Variants in MAPRE2 observed in about 807,000 individuals in gnomAD.
MAPRE2 encodes the protein microtubule-associated protein RP/EB family member 2.
Under a neutral mutation model 43.2 loss-of-function variants are expected in MAPRE2, and 13 were observed. The observed-to-expected ratio is 0.30, with a 90% CI of 0.20 to 0.48. The LOEUF (loss-of-function observed/expected upper bound fraction) is 0.48. Among genes scored for constraint, MAPRE2 ranks in the 20% least tolerant of loss-of-function variants. MAPRE2 has a pLI of 0.99. For synonymous variants in MAPRE2, 135 were observed against 148.8 expected (o/e 0.91, Z 0.68); for missense variants, 161 against 400.2 (o/e 0.40, Z 5.10).
Position 35,065,222 on chromosome 18 carries a change from A to G in MAPRE2, c.123-4973A>G, listed in dbSNP as rs184038429. Among the ~76,000 whole-genome samples, 733 of 151,874 alleles carry G rather than the reference A, an allele frequency of 4.8e-3. 9 individuals carry two copies. Among genetic ancestry groups the G allele is most frequent in the Non-Finnish European group, 4.6e-3 (315 of 67,912 alleles). On this transcript the variant is annotated intron_variant, in intron 1 of 6. Coordinates refer to ENST00000300249, the MANE Select transcript of MAPRE2 (RefSeq NM_014268.4). Reference sequence around the variant, plus strand: ...CTGAAGCAGGGGAATTGCTTGAACCAGGGAGGTAGACGTTGCAGTGAGCCA... The same window carrying G: ...CTGAAGCAGGGGAATTGCTTGAACCGGGGAGGTAGACGTTGCAGTGAGCCA...
chr18:35,124,609 C>CA (rs950129422), intron 4 of MAPRE2, among the ~76,000 whole-genome samples: 1 of 152,220 alleles, frequency 6.6e-6, no homozygotes, highest in African/African-American at 2.4e-5. Context: ...TGGCCCATGG[C>CA]AGGCACTTAA....
At chr18:35,079,285 T>C (rs1907519907) in intron 2 of MAPRE2, among the ~76,000 whole-genome samples, 1 of 152,184 alleles carries the variant, frequency 6.6e-6, no homozygotes, top group Admixed American at 6.5e-5. Context: ...CCTAGGATAA[T>C]TTTCTTACAA....
chr18:35,050,365 A>G (rs978177036), intron 1 of MAPRE2, among the ~76,000 whole-genome samples: 3 of 152,228 alleles, frequency 2.0e-5, no homozygotes, highest in South Asian at 2.1e-4. Flanking sequence ...TGCAAGTACC[A>G]TTCTTACATT....
At chr18:35,019,557 T>C (rs1486473375) in intron 2 of MAPRE2, among the ~76,000 whole-genome samples, 1 of 152,030 alleles carries the variant, frequency 6.6e-6, no homozygotes. Flanking sequence ...CCAGGCCTTG[T>C]CATATTTTAT....
intron 3 of MAPRE2, among the ~76,000 whole-genome samples, chr18:35,099,338 A>G (rs1311623584): frequency 6.6e-6 from 1 of 152,222 alleles, no homozygotes; most frequent in Non-Finnish European, 1.5e-5. Flanking sequence ...ATTGAGGCTG[A>G]GCACAGTGGC....
intron 1 of MAPRE2, among the ~76,000 whole-genome samples, chr18:35,061,390 T>C (rs1906518480): frequency 6.6e-6 from 1 of 152,222 alleles, no homozygotes; most frequent in Admixed American, 6.5e-5. Context: ...AGTATGTGCA[T>C]GTTGTCATAT....
intron 1 of MAPRE2, among the ~76,000 whole-genome samples, chr18:35,001,917 T>C (rs2097029586): frequency 6.6e-6 from 1 of 152,190 alleles, no homozygotes; most frequent in Admixed American, 6.5e-5. Context: ...TTGTAAGAAA[T>C]AATATAGAGA....
In MAPRE2 at chr18:34,984,727, C is replaced by T. The variant is rs1410388664; in HGVS notation, c.-70+7648C>T. ...CCTCCTTTATCATAATCTACATTCACATTTTAATAATATATTATTTAATAT... is the reference window on the plus strand; with the variant it reads ...CCTCCTTTATCATAATCTACATTCATATTTTAATAATATATTATTTAATAT... On this transcript the variant is annotated intron_variant, in intron 1 of 7. Transcript: ENST00000413393. Among the ~76,000 whole-genome samples the T allele has an allele frequency of 1.4e-5, 2 of 141,814 alleles. 1 individual carries two copies. The highest frequency in any genetic ancestry group is 4.2e-4 in the South Asian group (2 of 4,714). The allele number at this position is 141,814 out of a possible 152,430, so 93.0% of individuals were successfully genotyped here.
At chr18:35,137,777 C>T (rs1002712346) in intron 6 of MAPRE2, among the ~76,000 whole-genome samples, 2 of 152,042 alleles carry the variant, frequency 1.3e-5, no homozygotes, top group African/African-American at 4.8e-5. Context: ...GCCCTCCCAC[C>T]GAAGCAGAAA....
intron 1 of MAPRE2, among the ~76,000 whole-genome samples, chr18:35,000,797 A>G (rs2097028910): frequency 6.6e-6 from 1 of 152,202 alleles, no homozygotes; most frequent in African/African-American, 2.4e-5. Flanking sequence ...AAAAGTCAGT[A>G]TGATCTTTCC....
intron 2 of MAPRE2, among the ~76,000 whole-genome samples, chr18:35,033,514 C>T (rs1429790987): frequency 6.6e-6 from 1 of 151,292 alleles, no homozygotes; most frequent in Admixed American, 6.6e-5. Context: ...CTGGCCAGGG[C>T]AATTAGGCAG....
rs1433913678 is a variant in MAPRE2, at chr18:35,077,393, T to C, written c.250+7071T>C. ...TTGAGTGCAGTCTTTGAGGTTCTTATTGAGTATATCACTAATTCACAAATG... is the reference window on the plus strand; with the variant it reads ...TTGAGTGCAGTCTTTGAGGTTCTTACTGAGTATATCACTAATTCACAAATG... On this transcript the variant is annotated intron_variant, in intron 2 of 6. Coordinates refer to ENST00000300249, the MANE Select transcript of MAPRE2 (RefSeq NM_014268.4). 3.3e-5 allele frequency among the ~76,000 whole-genome samples: 5 copies of C among 152,202 alleles called. No homozygotes were observed. In the South Asian group the frequency reaches 6.2e-4, roughly 19 times the overall value.
intron 4 of MAPRE2, among the ~76,000 whole-genome samples, chr18:35,120,491 C>T (rs569698346): frequency 6.6e-6 from 1 of 152,086 alleles, no homozygotes; most frequent in African/African-American, 2.4e-5. Context: ...TGCTTTTTTG[C>T]CCTCAGCTCA....
intron 2 of MAPRE2, among the ~76,000 whole-genome samples, chr18:35,036,292 G>T (rs1186423922): frequency 6.6e-6 from 1 of 152,020 alleles, no homozygotes; most frequent in African/African-American, 2.4e-5. Flanking sequence ...CCTCTGTTTA[G>T]TTTAGGTCTT....
intron 2 of MAPRE2, among the ~76,000 whole-genome samples, chr18:35,090,514 C>T (rs1303313404): frequency 6.6e-6 from 1 of 151,934 alleles, no homozygotes; most frequent in Admixed American, 6.6e-5. Flanking sequence ...GGAAGATCAC[C>T]TGAGGTCAGG....
chr18:35,038,460 T>C (rs1364633075), upstream of MAPRE2, among the ~76,000 whole-genome samples: 1 of 152,202 alleles, frequency 6.6e-6, no homozygotes, highest in Non-Finnish European at 1.5e-5. Context: ...GAGTATCAAA[T>C]GGGAAATGAT....
intron 1 of MAPRE2, among the ~76,000 whole-genome samples, chr18:35,067,027 T>A (rs1906868046): frequency 6.6e-6 from 1 of 152,260 alleles, no homozygotes; most frequent in Non-Finnish European, 1.5e-5. Flanking sequence ...GTGAAAAATT[T>A]CTTGCCTTCA....
rs914870523 is a variant in MAPRE2 at position 35,048,381 on chromosome 18, A to G, written c.122+6720A>G. Among the ~76,000 whole-genome samples the G allele has an allele frequency of 4.6e-5, 7 of 152,132 alleles. No individual in the cohort carries two copies. The East Asian group carries it at 9.7e-4, about 21-fold the overall frequency. On this transcript the variant is annotated intron_variant, in intron 1 of 6. Transcript: ENST00000300249. Reference sequence around the variant, plus strand: ...TTAGAGGGGACAACATCCAAACTATATCATATATTTATATAGTATTAACAC... The same window carrying G: ...TTAGAGGGGACAACATCCAAACTATGTCATATATTTATATAGTATTAACAC...
chr18:35,109,277 T>C (rs1311116816), intron 4 of MAPRE2, among the ~76,000 whole-genome samples: 1 of 152,158 alleles, frequency 6.6e-6, no homozygotes, highest in Non-Finnish European at 1.5e-5. Context: ...TGGTTGTAGA[T>C]GTGTGGTGTT....
Sources: gnomAD v4.1 joint callset for allele counts (sites outside exome capture counted in the v4.1 genomes callset) on GRCh38, gnomAD v4.1.1 for gene constraint, MANE v1.5 for transcripts, NCBI Gene and HGNC (gene_info 2026-07-23, HGNC 2026-07-21) for gene names.